The following BMPR1B variants were observed in gnomAD, a reference collection of about 807,000 sequenced individuals.
BMPR1B encodes the protein bone morphogenetic protein receptor type-1B.
Under a neutral mutation model 59.1 loss-of-function variants are expected in BMPR1B, and 12 were observed. That is an observed-to-expected ratio of 0.20 (90% CI 0.13 to 0.33). The LOEUF (loss-of-function observed/expected upper bound fraction) is 0.33, where lower values mean the gene tolerates loss of function less well. Among genes scored for constraint, BMPR1B ranks in the 10% least tolerant of loss-of-function variants. The probability of loss-of-function intolerance (pLI) is 1.00; values close to 1 mark genes in which losing one functional copy is unlikely to be tolerated. For synonymous variants in BMPR1B, 237 were observed against 207.3 expected, an observed-to-expected ratio of 1.14 and a Z score of -1.23; for missense variants, 550 against 610.9, an observed-to-expected ratio of 0.90 and a Z score of 1.05.
chr4:95,131,554 T>C, intron 10 of BMPR1B, 42 bp downstream of exon 10: 1 of 1,602,536 alleles, frequency 6.2e-7, no homozygotes. Context: ...ATGACTCTTT[T>C]CTGTTACTTT....
At chr4:95,037,867 T>TG (rs1560610209) in intron 3 of BMPR1B, among the ~76,000 whole-genome samples, 1 of 152,082 alleles carries the variant, frequency 6.6e-6, no homozygotes, top group African/African-American at 2.4e-5. Flanking sequence ...TTTCAAGTAT[T>TG]GGGGGAACGT....
rs145848779 is a variant in BMPR1B at position 94,872,662 on chromosome 4, C to T, written c.-182-3169C>T. 3.1e-3 allele frequency among the ~76,000 whole-genome samples: 475 copies of T among 152,238 alleles called. 3 individuals carry two copies. Among genetic ancestry groups the T allele is most frequent in the Middle Eastern group, 6.8e-3 (2 of 294 alleles). The stretch of plus-strand genomic sequence containing the variant: ...ACTTTGGAGGCTGAGGTGGGAGGAT[C>T]GCTTGAGCCTGTGCCACTGCACGCC... On this transcript the variant is annotated intron_variant, in intron 1 of 12. Coordinates refer to ENST00000515059, the MANE Select transcript of BMPR1B (RefSeq NM_001203.3).
rs115932096 is a variant in BMPR1B at position 94,759,835 on chromosome 4, G to A, written c.-183+1767G>A. 2.7e-3 allele frequency among the ~76,000 whole-genome samples: 406 copies of A among 152,322 alleles called. 2 individuals carry two copies. The highest frequency in any genetic ancestry group is 9.3e-3 in the African/African-American group (386 of 41,562). Reference sequence around the variant, plus strand: ...ATCATTGTGCAATGCAAAAAAGTTTGTGTTATAAGCAGATCATAGTAGTGA... The same window carrying A: ...ATCATTGTGCAATGCAAAAAAGTTTATGTTATAAGCAGATCATAGTAGTGA... On this transcript the variant is annotated intron_variant, in intron 1 of 12. Coordinates refer to ENST00000515059, the MANE Select transcript of BMPR1B (RefSeq NM_001203.3).
chr4:94,836,633 A>T (rs1359858657), intron 1 of BMPR1B, among the ~76,000 whole-genome samples: 6 of 145,726 alleles, frequency 4.1e-5, no homozygotes, highest in African/African-American at 1.5e-4. Context: ...AATTTGTTTG[A>T]GTTCATTGTA....
intron 2 of BMPR1B, among the ~76,000 whole-genome samples, chr4:94,941,566 C>A (rs560107594): frequency 6.6e-6 from 1 of 151,934 alleles, no homozygotes; most frequent in South Asian, 2.1e-4. Context: ...TAAAGTTAGA[C>A]ATTTAAAAAG....
intron 2 of BMPR1B, among the ~76,000 whole-genome samples, chr4:94,969,756 G>A (rs1204574785): frequency 6.6e-6 from 1 of 152,136 alleles, no homozygotes; most frequent in African/African-American, 2.4e-5. Flanking sequence ...CATTTGGGAA[G>A]GGGATTTTGT....
At chr4:95,068,255 C>A (rs533785264) in intron 3 of BMPR1B, among the ~76,000 whole-genome samples, 1 of 152,238 alleles carries the variant, frequency 6.6e-6, no homozygotes, top group African/African-American at 2.4e-5. Context: ...CACTTAATGG[C>A]AGTTCCATCC....
chr4:95,054,467 A>G (rs188448879), intron 3 of BMPR1B, among the ~76,000 whole-genome samples: 298 of 152,280 alleles, frequency 2.0e-3, no homozygotes, highest in African/African-American at 6.8e-3. Context: ...TCAGAAACAT[A>G]TTTTTAAATC....
At position 95,154,569 on chromosome 4, in the gene BMPR1B, C is replaced by G; in HGVS notation, c.1405C>G (p.Leu469Val). The G allele has an allele frequency of 6.2e-7, 1 of 1,614,122 alleles. No homozygotes were observed. Among genetic ancestry groups the G allele is most frequent in the Non-Finnish European group, 8.5e-7 (1 of 1,179,994 alleles). ...TCAGTGTCTAAGGCAGATGGGAAAA[C>G]TCATGACAGAATGCTGGGCTCACAA... ...SDECLRQMGK[L>V]MTECWAHNPA... The change falls in exon 13 of 13, where the codon CTC becomes GTC. Residue 469 changes from leucine (L) to valine (V), a missense_variant. Transcript: ENST00000515059.
chr4:94,850,024 C>T (rs1425853760), intron 1 of BMPR1B, among the ~76,000 whole-genome samples: 3 of 152,000 alleles, frequency 2.0e-5, no homozygotes, highest in African/African-American at 4.8e-5. Flanking sequence ...GCTTTTTTCC[C>T]TTCCTCCCAG....
intron 10 of BMPR1B, among the ~76,000 whole-genome samples, chr4:95,137,664 CCTT>C: frequency 6.6e-6 from 1 of 152,214 alleles, no homozygotes; most frequent in Middle Eastern, 3.4e-3. Flanking sequence ...TATGTAATGG[CCTT>C]CTTTGTCTCT....
At chr4:94,962,617 A>G (rs569417269) in intron 2 of BMPR1B, among the ~76,000 whole-genome samples, 38 of 152,208 alleles carry the variant, frequency 2.5e-4, no homozygotes, top group African/African-American at 8.7e-4. Context: ...CACTTAACAT[A>G]ATGTCCTCCA....
At chr4:94,798,699 AAGG>A (rs1395371170) in intron 1 of BMPR1B, among the ~76,000 whole-genome samples, 1 of 152,162 alleles carries the variant, frequency 6.6e-6, no homozygotes, top group African/African-American at 2.4e-5. Context: ...GAGGTGCAGA[AAGG>A]AGAGTTTAAT....
chr4:94,829,984 G>C (rs1724516713), intron 1 of BMPR1B, among the ~76,000 whole-genome samples: 1 of 152,082 alleles, frequency 6.6e-6, no homozygotes, highest in African/African-American at 2.4e-5. Flanking sequence ...GGAAGAGTTT[G>C]AGAAAAAATA....
At chr4:95,007,674 T>G (rs1201174244) in intron 3 of BMPR1B, among the ~76,000 whole-genome samples, 2 of 152,216 alleles carry the variant, frequency 1.3e-5, no homozygotes, top group African/African-American at 2.4e-5. Context: ...TTCAAATGCT[T>G]TGAAACAAGA....
chr4:95,119,757 T>C (rs1378891317), intron 6 of BMPR1B, among the ~76,000 whole-genome samples: 1 of 152,210 alleles, frequency 6.6e-6, no homozygotes, highest in Non-Finnish European at 1.5e-5. Context: ...TTACAAATCA[T>C]AAATAGCTGT....
chr4:94,821,386 AAAT>A (rs1400767747), intron 1 of BMPR1B, among the ~76,000 whole-genome samples: 3 of 152,282 alleles, frequency 2.0e-5, no homozygotes, highest in South Asian at 2.1e-4. Context: ...TTTTCTCAGA[AAAT>A]AATTTTTGCT....
intron 3 of BMPR1B, among the ~76,000 whole-genome samples, chr4:95,039,621 G>C (rs1043004279): frequency 6.6e-6 from 1 of 152,124 alleles, no homozygotes; most frequent in Non-Finnish European, 1.5e-5. Flanking sequence ...GGGAAGATAC[G>C]GAAATATGTG....
chr4:95,055,296 T>C (rs1209098125), intron 3 of BMPR1B, among the ~76,000 whole-genome samples: 1 of 152,146 alleles, frequency 6.6e-6, no homozygotes, highest in Non-Finnish European at 1.5e-5. Flanking sequence ...TTTTTTTTAG[T>C]ATAATCAGGG....
Sources: gnomAD v4.1 joint callset for allele counts (sites outside exome capture counted in the v4.1 genomes callset) on GRCh38, gnomAD v4.1.1 for gene constraint, MANE v1.5 for transcripts, NCBI Gene and HGNC (gene_info 2026-07-23, HGNC 2026-07-21) for gene names.